Variants in EPHA6 observed in about 807,000 individuals in gnomAD.
The protein encoded by EPHA6 is ephrin type-A receptor 6.
In EPHA6, 50 loss-of-function variants were observed where a neutral mutation model predicts 112.0. That is an observed-to-expected ratio of 0.45 (90% CI 0.36 to 0.56). EPHA6 has a LOEUF of 0.56. EPHA6 is among the 20% of genes least tolerant of loss of function. The pLI is 0.00. For missense variants in EPHA6, 1,280 were observed against 1,417.4 expected, an observed-to-expected ratio of 0.90 and a Z score of 1.56; for synonymous variants, 529 against 490.7, an observed-to-expected ratio of 1.08 and a Z score of -1.03.
intron 2 of EPHA6, among the ~76,000 whole-genome samples, chr3:96,909,299 A>G (rs948682397): frequency 1.3e-5 from 2 of 152,006 alleles, no homozygotes; most frequent in Non-Finnish European, 2.9e-5. Context: ...TAATTTCTTA[A>G]GCTAGTCCAG....
chr3:97,358,080 C>G (rs1345283797), intron 5 of EPHA6, among the ~76,000 whole-genome samples: 3 of 152,026 alleles, frequency 2.0e-5, no homozygotes, highest in African/African-American at 7.2e-5. Flanking sequence ...CAGTTCAAAC[C>G]CGTGTTTTTC....
chr3:97,441,365 A>G (rs1407612523), intron 6 of EPHA6: 1 of 631,070 alleles, frequency 1.6e-6, no homozygotes, highest in African/African-American at 2.0e-5. Flanking sequence ...CAACAGATAA[A>G]TTGTTTTATA....
intron 3 of EPHA6, among the ~76,000 whole-genome samples, chr3:97,081,010 T>A (rs981288716): frequency 2.6e-5 from 4 of 151,962 alleles, no homozygotes; most frequent in Non-Finnish European, 5.9e-5. Flanking sequence ...TTGCACCTAC[T>A]GATTTTATGA....
chr3:97,426,022 TC>T (rs1189418375), intron 6 of EPHA6, among the ~76,000 whole-genome samples: 6 of 152,154 alleles, frequency 3.9e-5, no homozygotes, highest in Admixed American at 2.6e-4. Flanking sequence ...TCAACAAACC[TC>T]TAGGAAGTTC....
chr3:97,264,084 C>G (rs762499375), intron 5 of EPHA6, among the ~76,000 whole-genome samples: 9 of 152,222 alleles, frequency 5.9e-5, no homozygotes, highest in Non-Finnish European at 1.3e-4. Context: ...CTACTGAACT[C>G]TTTCCTTGTA....
intron 6 of EPHA6, among the ~76,000 whole-genome samples, chr3:97,437,895 C>G (rs1202005759): frequency 1.3e-5 from 2 of 151,988 alleles, no homozygotes; most frequent in South Asian, 4.1e-4. Context: ...AATATGTATT[C>G]TTTAAATGTT....
At chr3:97,525,210 G>A (rs949220757) in intron 10 of EPHA6, among the ~76,000 whole-genome samples, 1 of 151,534 alleles carries the variant, frequency 6.6e-6, no homozygotes, top group African/African-American at 2.4e-5. Context: ...CCTCTAATTA[G>A]CTAATTTCAA....
At chr3:97,701,299 G>A (rs1441133715) in intron 14 of EPHA6, among the ~76,000 whole-genome samples, 1 of 152,092 alleles carries the variant, frequency 6.6e-6, no homozygotes, top group Non-Finnish European at 1.5e-5. Context: ...AGCTTTACAA[G>A]CTCCCTGTGT....
chr3:97,649,414 G>A (rs1228674768), intron 14 of EPHA6, among the ~76,000 whole-genome samples: 2 of 152,000 alleles, frequency 1.3e-5, no homozygotes, highest in Non-Finnish European at 2.9e-5. Context: ...TGGGGACACA[G>A]CCAAACCATA....
At chr3:96,875,422 T>G (rs538882709) in intron 2 of EPHA6, among the ~76,000 whole-genome samples, 71 of 152,114 alleles carry the variant, frequency 4.7e-4, no homozygotes, top group Non-Finnish European at 9.6e-4. Flanking sequence ...CTCAGAATAT[T>G]CCTTCCTGTA....
chr3:97,474,321 T>G (rs1229396397), intron 7 of EPHA6, among the ~76,000 whole-genome samples: 1 of 151,862 alleles, frequency 6.6e-6, no homozygotes, highest in African/African-American at 2.4e-5. Flanking sequence ...TTATTTATTT[T>G]CAGTAGTCAA....
chr3:97,093,648 A>G (rs1475278889), intron 3 of EPHA6, among the ~76,000 whole-genome samples: 1 of 152,188 alleles, frequency 6.6e-6, no homozygotes. Flanking sequence ...ATATGATCTA[A>G]TCATAATATG....
chr3:97,486,950 A>T (rs1478355733), intron 10 of EPHA6, among the ~76,000 whole-genome samples: 7 of 152,110 alleles, frequency 4.6e-5, no homozygotes, highest in Non-Finnish European at 8.8e-5. Flanking sequence ...TTCCCCAGCT[A>T]TTGATTGTTT....
At chr3:97,681,044 T>A (rs1331842209) in intron 14 of EPHA6, among the ~76,000 whole-genome samples, 1 of 151,488 alleles carries the variant, frequency 6.6e-6, no homozygotes, top group Non-Finnish European at 1.5e-5. Context: ...TTTGGAACAA[T>A]AAGAAAAAAG....
intron 8 of EPHA6, among the ~76,000 whole-genome samples, chr3:97,476,477 C>T (rs889948879): frequency 6.6e-6 from 1 of 152,092 alleles, no homozygotes; most frequent in African/African-American, 2.4e-5. Flanking sequence ...TAAACAGCAC[C>T]TTCAGTGAAC....
chr3:97,195,067 A>G (rs1479894381), intron 3 of EPHA6, among the ~76,000 whole-genome samples: 1 of 151,964 alleles, frequency 6.6e-6, no homozygotes. Flanking sequence ...GTCAATTTAC[A>G]TTCAATGTTA....
chr3:97,650,839 A>G (rs1398721193), intron 14 of EPHA6, among the ~76,000 whole-genome samples: 1 of 134,116 alleles, frequency 7.5e-6, no homozygotes, highest in Non-Finnish European at 1.5e-5. Context: ...CCTGGGCAAC[A>G]GTTCAAGACT....
chr3:96,842,016 T>C (rs1254423313), intron 1 of EPHA6, among the ~76,000 whole-genome samples: 1 of 152,094 alleles, frequency 6.6e-6, no homozygotes, highest in Non-Finnish European at 1.5e-5. Flanking sequence ...TCTTATATCA[T>C]GCACCTGTGT....
At chr3:97,635,283 C>T (rs992474783) in intron 13 of EPHA6, among the ~76,000 whole-genome samples, 2 of 151,940 alleles carry the variant, frequency 1.3e-5, no homozygotes, top group African/African-American at 4.8e-5. Context: ...ATACCACTTA[C>T]CATTATTAGA....
Sources: gnomAD v4.1 joint callset for allele counts (sites outside exome capture counted in the v4.1 genomes callset) on GRCh38, gnomAD v4.1.1 for gene constraint, MANE v1.5 for transcripts, NCBI Gene and HGNC (gene_info 2026-07-23, HGNC 2026-07-21) for gene names.